Variants in LYRM4 observed in about 807,000 individuals in gnomAD.
LYRM4 encodes LYR motif containing 4.
LYRM4 carries 9 observed loss-of-function variants against 11.7 expected under a neutral mutation model. The ratio of observed to expected loss-of-function variants is 0.77; its 90% confidence interval spans 0.46 to 1.34. The LOEUF (loss-of-function observed/expected upper bound fraction) is 1.34. LYRM4 is among the 40% of genes most tolerant of loss of function. The pLI is 0.00. For missense variants in LYRM4, 133 were observed against 112.5 expected, an observed-to-expected ratio of 1.18 and a Z score of -0.82; for synonymous variants, 42 against 40.4, an observed-to-expected ratio of 1.04 and a Z score of -0.15.
the LYRM4 span, among the ~76,000 whole-genome samples, chr6:5,063,056 G>A: frequency 6.6e-6 from 1 of 152,298 alleles, no homozygotes; most frequent in East Asian, 1.9e-4. Context: ...CTTCCCATGA[G>A]TCATTTCCAT....
chr6:5,105,254 G>T (rs761702390), downstream of LYRM4: 1 of 152,304 alleles, frequency 6.6e-6, no homozygotes. Flanking sequence ...ACTTTCTCGC[G>T]CATCGGCAGG....
chr6:5,172,505 G>C (rs941894811), intron 2 of LYRM4, among the ~76,000 whole-genome samples: 2 of 152,110 alleles, frequency 1.3e-5, no homozygotes, highest in Admixed American at 6.5e-5. Context: ...TGAAATGTGA[G>C]ATGCCCTAAG....
At chr6:5,052,952 T>G in the LYRM4 span, among the ~76,000 whole-genome samples, 1 of 152,178 alleles carries the variant, frequency 6.6e-6, no homozygotes, top group Non-Finnish European at 1.5e-5. Context: ...TTCTCTCACT[T>G]TTGGTTATTA....
rs9392657 is a variant in LYRM4 at position 5,157,190 on chromosome 6, A to G, written c.208-47699T>C. On this transcript the variant is annotated intron_variant, in intron 2 of 2. Transcript: ENST00000330636. Reference sequence around the variant, plus strand: ...AAGAGTTACTAAGCGAAAGCACTCAACGCAAAAAAGTATTTTCCCTAGATC... The same window carrying G: ...AAGAGTTACTAAGCGAAAGCACTCAGCGCAAAAAAGTATTTTCCCTAGATC... Among the ~76,000 whole-genome samples, 72 of 152,356 alleles carry G rather than the reference A, an allele frequency of 4.7e-4. No homozygotes were observed. The East Asian group carries it at 0.012, about 24-fold the overall frequency.
intron 1 of LYRM4, among the ~76,000 whole-genome samples, chr6:5,256,348 G>T (rs1764665741): frequency 6.6e-6 from 1 of 151,744 alleles, no homozygotes; most frequent in Non-Finnish European, 1.5e-5. Flanking sequence ...AAATTAGCCA[G>T]GCGTAGTGGC....
downstream of LYRM4, chr6:5,107,534 G>A (rs1762697934): frequency 6.6e-6 from 1 of 152,234 alleles, no homozygotes; most frequent in Non-Finnish European, 1.5e-5. Context: ...TGGGCTGGGC[G>A]GCTCTGCCCC....
At chr6:5,212,690 A>G (rs1362316849) in intron 2 of LYRM4, among the ~76,000 whole-genome samples, 3 of 152,228 alleles carry the variant, frequency 2.0e-5, no homozygotes, top group African/African-American at 7.2e-5. Context: ...CACTTTATCA[A>G]AAGGTAGAAG....
intron 2 of LYRM4, among the ~76,000 whole-genome samples, chr6:5,145,870 A>G (rs909925562): frequency 2.0e-5 from 3 of 152,096 alleles, no homozygotes; most frequent in African/African-American, 7.2e-5. Context: ...AATCCCCTCT[A>G]GAGTTCCTGC....
intron 1 of LYRM4, among the ~76,000 whole-genome samples, chr6:5,218,786 C>G (rs1261786919): frequency 1.3e-5 from 2 of 152,232 alleles, no homozygotes; most frequent in Non-Finnish European, 2.9e-5. Context: ...CAGATACAGA[C>G]TCTCCTCAGG....
chr6:5,057,938 G>A, the LYRM4 span, among the ~76,000 whole-genome samples: 1 of 151,968 alleles, frequency 6.6e-6, no homozygotes, highest in African/African-American at 2.4e-5. Flanking sequence ...TTTTTGTAGA[G>A]ATGGGGTCAC....
chr6:5,065,476 ACT>A, the LYRM4 span, among the ~76,000 whole-genome samples: 1 of 152,330 alleles, frequency 6.6e-6, no homozygotes. Context: ...TAATGTACAG[ACT>A]CTTGCTCCTC....
intron 2 of LYRM4, among the ~76,000 whole-genome samples, chr6:5,195,922 C>A (rs1761026529): frequency 6.6e-6 from 1 of 152,166 alleles, no homozygotes; most frequent in Admixed American, 6.5e-5. Flanking sequence ...AAAAAAACTT[C>A]CTCACACCAA....
chr6:5,107,829 A>G (rs1762708438), downstream of LYRM4: 1 of 151,988 alleles, frequency 6.6e-6, no homozygotes, highest in East Asian at 1.9e-4. Context: ...ACATAGTGAA[A>G]CCCCGTCTCT....
intron 1 of LYRM4, among the ~76,000 whole-genome samples, chr6:5,241,231 G>C (rs898676270): frequency 3.3e-5 from 5 of 152,132 alleles, no homozygotes; most frequent in African/African-American, 1.2e-4. Context: ...AATGAAGTAA[G>C]AATCCTCATT....
At chr6:5,085,504 C>T in the LYRM4 span, 1 of 1,536,828 alleles carries the variant, frequency 6.5e-7, no homozygotes. Context: ...CATAGGGGCG[C>T]GGCTAAGTTT....
the LYRM4 span, among the ~76,000 whole-genome samples, chr6:5,059,092 G>A: frequency 6.6e-6 from 1 of 152,122 alleles, no homozygotes; most frequent in Non-Finnish European, 1.5e-5. Flanking sequence ...TGTAATCCTA[G>A]CACTTTGGGA....
intron 2 of LYRM4, among the ~76,000 whole-genome samples, chr6:5,194,161 T>C (rs966214169): frequency 6.6e-6 from 1 of 151,984 alleles, no homozygotes; most frequent in Non-Finnish European, 1.5e-5. Flanking sequence ...TTGCCACTAA[T>C]TAACAGTCAG....
chr6:5,211,471 T>TG (rs1761983857), intron 2 of LYRM4, among the ~76,000 whole-genome samples: 1 of 152,344 alleles, frequency 6.6e-6, no homozygotes, highest in East Asian at 1.9e-4. Context: ...TAAGAAACAC[T>TG]GAAAATGCTT....
intron 2 of LYRM4, among the ~76,000 whole-genome samples, chr6:5,208,462 A>G (rs1450536140): frequency 6.6e-6 from 1 of 152,252 alleles, no homozygotes; most frequent in Non-Finnish European, 1.5e-5. Flanking sequence ...TTCCCAAATG[A>G]AACTCTTGCA....
Sources: allele counts gnomAD v4.1 joint callset (sites outside exome capture counted in the v4.1 genomes callset), GRCh38; gene constraint gnomAD v4.1.1; transcripts MANE v1.5; gene names NCBI Gene and HGNC (gene_info 2026-07-23, HGNC 2026-07-21).